ANKRD10: variants seen among roughly 807,000 people sequenced by gnomAD.
ANKRD10 encodes ankyrin repeat domain-containing protein 10.
ANKRD10 carries 14 observed loss-of-function variants against 27.0 expected under a neutral mutation model. The ratio of observed to expected loss-of-function variants is 0.52; its 90% CI spans 0.34 to 0.81. The LOEUF is 0.81. Among genes scored for constraint, ANKRD10 ranks in the 40% least tolerant of loss-of-function variants. The probability of loss-of-function intolerance (pLI) is 0.01; values close to 1 mark genes in which losing one functional copy is unlikely to be tolerated. For missense variants in ANKRD10, 493 were observed against 544.0 expected, an observed-to-expected ratio of 0.91 and a Z score of 0.93; for synonymous variants, 250 against 224.5, an observed-to-expected ratio of 1.11 and a Z score of -1.01.
intron 3 of ANKRD10, chr13:110,905,220 G>A (rs2065496884): frequency 6.6e-6 from 1 of 152,124 alleles, no homozygotes; most frequent in African/African-American, 2.4e-5. Flanking sequence ...CATCCATTTT[G>A]TTAATGCTGT....
intron 4 of ANKRD10, among the ~76,000 whole-genome samples, chr13:110,888,966 G>T (rs923957825): frequency 2.0e-5 from 3 of 152,084 alleles, no homozygotes; most frequent in Non-Finnish European, 2.9e-5. Flanking sequence ...GAAGTTATTG[G>T]GTCAGTTTTT....
chr13:110,883,546 T>C (rs778827774), intron 5 of ANKRD10, 152 bp downstream of exon 5: 2 of 1,385,110 alleles, frequency 1.4e-6, no homozygotes, highest in East Asian at 5.2e-5. Context: ...AGAAATAATA[T>C]GCATACTGAT....
In ANKRD10 at chr13:110,879,732, G is replaced by A; in HGVS notation, c.1168C>T (p.Leu390=). Reference sequence around the variant, plus strand: ...TTGGAATGCTCGACCACACTGTTCAGTTCTGGGATGCTTTCAGCAGTGTCC... The same window carrying A: ...TTGGAATGCTCGACCACACTGTTCAATTCTGGGATGCTTTCAGCAGTGTCC... ...FGDTAESIPE[L]NSVVEHSKSV... Residue 390 remains leucine (L), a synonymous_variant, in exon 6 of 6, where the codon CTG becomes TTG. Coordinates refer to ENST00000267339, the MANE Select transcript of ANKRD10 (RefSeq NM_017664.4). The A allele has an allele frequency of 1.9e-6, 3 of 1,614,230 alleles. No homozygotes were observed. In the Admixed American group the frequency reaches 5.0e-5, roughly 27 times the overall value.
chr13:110,913,390 A>C (rs1166616321), intron 1 of ANKRD10, among the ~76,000 whole-genome samples: 1 of 152,200 alleles, frequency 6.6e-6, no homozygotes, highest in African/African-American at 2.4e-5. Context: ...GTTTGTTAAG[A>C]AACTCATTTC....
Position 110,879,491 on chromosome 13 carries a change from G to C in ANKRD10, c.*146C>G. Reference sequence around the variant, plus strand: ...TCATGCACAAACAAGCAGTTGCTGGGAACTTGTCGAAGTTTACTTTTTCAG... The same window carrying C: ...TCATGCACAAACAAGCAGTTGCTGGCAACTTGTCGAAGTTTACTTTTTCAG... On this transcript the variant is annotated 3_prime_UTR_variant, in exon 6 of 6. Transcript: ENST00000267339. The C allele has an allele frequency of 1.5e-6, 1 of 653,582 alleles. No individual in the cohort carries two copies. The allele number at this position is 653,582 out of a possible 1,614,324, so 40.5% of individuals were successfully genotyped here. A position where few individuals can be genotyped will look rare whatever the true frequency, so the allele number is the denominator to read the frequency against.
chr13:110,914,442 T>C (rs1248098586), intron 1 of ANKRD10: 6 of 271,520 alleles, frequency 2.2e-5, no homozygotes. Flanking sequence ...CCCGCCTTGT[T>C]AGAAACTTGC....
At chr13:110,905,960 C>T in intron 3 of ANKRD10, 73 bp downstream of exon 3, 10 of 1,379,780 alleles carry the variant, frequency 7.2e-6, no homozygotes, top group Non-Finnish European at 9.9e-6. Context: ...CTTTTGCCTG[C>T]TTATGTACTG....
At chr13:110,890,593 GAAGT>G (rs2065048858) in intron 4 of ANKRD10, among the ~76,000 whole-genome samples, 1 of 152,230 alleles carries the variant, frequency 6.6e-6, no homozygotes, top group African/African-American at 2.4e-5. Flanking sequence ...GAGCAGCTTT[GAAGT>G]AATGTGCATC....
At chr13:110,887,858 T>G (rs1280072990) in intron 4 of ANKRD10, among the ~76,000 whole-genome samples, 1 of 152,210 alleles carries the variant, frequency 6.6e-6, no homozygotes, top group African/African-American at 2.4e-5. Flanking sequence ...TCCACTGAAC[T>G]GAGTGCATCC....
At position 110,892,029 on chromosome 13, in the gene ANKRD10, T is replaced by C. The variant is rs146886644; in HGVS notation, c.691+999A>G. On this transcript the variant is annotated intron_variant, in intron 4 of 5. Coordinates refer to ENST00000267339, the MANE Select transcript of ANKRD10 (RefSeq NM_017664.4). ...CAACTGGCCTAAGACATCTTATATA[T>C]AGATATAGATGATTTTCCTATAGGA... Among the ~76,000 whole-genome samples the C allele has an allele frequency of 6.6e-5, 10 of 151,182 alleles. No individual in the cohort carries two copies. The East Asian group carries it at 1.6e-3, about 24-fold the overall frequency.
intron 4 of ANKRD10, among the ~76,000 whole-genome samples, chr13:110,884,166 T>A (rs967189171): frequency 1.3e-5 from 2 of 151,932 alleles, no homozygotes; most frequent in African/African-American, 4.8e-5. Flanking sequence ...TAAATTTACA[T>A]ACAATTAAAA....
At chr13:110,880,724 T>C (rs528108203) in intron 5 of ANKRD10, among the ~76,000 whole-genome samples, 1 of 152,324 alleles carries the variant, frequency 6.6e-6, no homozygotes, top group Non-Finnish European at 1.5e-5. Context: ...ACTGTTTTTA[T>C]TTTTTTCAGT....
At chr13:110,899,012 C>T (rs1199728485) in intron 3 of ANKRD10, 3 of 152,238 alleles carry the variant, frequency 2.0e-5, no homozygotes, top group African/African-American at 4.8e-5. Flanking sequence ...CCACCTCAGC[C>T]TCCCAAAGTG....
Position 110,914,725 on chromosome 13 carries a change from C to G in ANKRD10, c.210G>C (p.Lys70Asn). 1 of 1,579,728 alleles carries G rather than the reference C, an allele frequency of 6.3e-7. No individual in the cohort carries two copies. Among genetic ancestry groups the G allele is most frequent in the Non-Finnish European group, 8.6e-7 (1 of 1,163,718 alleles). ...TPVHWAAHFG[K>N]LECLVQLVRA... ...GGCGCCTTAAAGCGTTCGCACCCACCTTGCCGAAATGCGCGGCCCAGTGCA... is the reference window on the plus strand; with the variant it reads ...GGCGCCTTAAAGCGTTCGCACCCACGTTGCCGAAATGCGCGGCCCAGTGCA... Residue 70 changes from lysine to asparagine, a missense_variant and splice_region_variant, in exon 1 of 6, where the codon AAG becomes AAC. Transcript: ENST00000267339.
intron 1 of ANKRD10, among the ~76,000 whole-genome samples, chr13:110,911,469 C>A (rs958535641): frequency 7.2e-6 from 1 of 138,738 alleles, no homozygotes; most frequent in African/African-American, 2.8e-5. Context: ...AACACCACCA[C>A]CACCACTTTG....
intron 4 of ANKRD10, among the ~76,000 whole-genome samples, chr13:110,888,868 T>C (rs900343507): frequency 6.6e-6 from 1 of 152,218 alleles, no homozygotes; most frequent in African/African-American, 2.4e-5. Flanking sequence ...GCCTATGTGA[T>C]TAAGACCGAG....
chr13:110,893,312 G>A (rs765388234), intron 3 of ANKRD10, 49 bp from the exon 4 acceptor site: 2 of 1,570,982 alleles, frequency 1.3e-6, no homozygotes, highest in Non-Finnish European at 1.7e-6. Flanking sequence ...GTGCTAACCT[G>A]GTCTCTGCTC....
At chr13:110,882,223 A>G (rs1366567912) in intron 5 of ANKRD10, among the ~76,000 whole-genome samples, 1 of 152,304 alleles carries the variant, frequency 6.6e-6, no homozygotes, top group East Asian at 1.9e-4. Flanking sequence ...AAAAATGTAG[A>G]ATTCTTGGAA....
chr13:110,903,585 C>A (rs1218242784), intron 3 of ANKRD10: 1 of 154,062 alleles, frequency 6.5e-6, no homozygotes. Context: ...TAGCCACAGA[C>A]ACTTAGTGTA....
Sources: allele counts gnomAD v4.1 joint callset (sites outside exome capture counted in the v4.1 genomes callset), GRCh38; gene constraint gnomAD v4.1.1; transcripts MANE v1.5; gene names NCBI Gene and HGNC (gene_info 2026-07-23, HGNC 2026-07-21).